Variants in EYS observed in about 807,000 individuals in gnomAD.
The protein encoded by EYS is protein eyes shut homolog.
EYS carries 250 observed loss-of-function variants against 282.1 expected under a neutral mutation model. The observed-to-expected ratio is 0.89, with a 90% confidence interval of 0.80 to 0.98. The LOEUF (loss-of-function observed/expected upper bound fraction) is 0.98, where lower values mean the gene tolerates loss of function less well. Among genes scored for constraint, EYS ranks in the 50% least tolerant of loss-of-function variants. EYS has a pLI of 0.00. For missense variants in EYS, 4,016 were observed against 3,709.0 expected (o/e 1.08, Z -2.15); for synonymous variants, 1,355 against 1,282.9 (o/e 1.06, Z -1.20).
At chr6:65,339,344 T>C (rs571959383) in intron 10 of EYS, among the ~76,000 whole-genome samples, 32 of 151,314 alleles carry the variant, frequency 2.1e-4, no homozygotes, top group African/African-American at 6.5e-4. Context: ...TCCTCCCTTA[T>C]TGTTGGTTTC....
chr6:64,656,223 A>G (rs1327187853), intron 22 of EYS, among the ~76,000 whole-genome samples: 1 of 152,168 alleles, frequency 6.6e-6, no homozygotes, highest in Non-Finnish European at 1.5e-5. Flanking sequence ...ATGTTTTACG[A>G]TGGTGTCTAA....
At chr6:64,925,909 G>T (rs1447921948) in intron 15 of EYS, among the ~76,000 whole-genome samples, 1 of 152,118 alleles carries the variant, frequency 6.6e-6, no homozygotes, top group Non-Finnish European at 1.5e-5. Flanking sequence ...CAGTTCTCGG[G>T]TCCCTAGAAT....
At chr6:65,285,434 C>G (rs985884757) in intron 12 of EYS, among the ~76,000 whole-genome samples, 1 of 151,904 alleles carries the variant, frequency 6.6e-6, no homozygotes, top group Non-Finnish European at 1.5e-5. Flanking sequence ...TATCTTTCCT[C>G]TCTTGCATTT....
chr6:65,664,792 C>G (rs1768142960), intron 1 of EYS, among the ~76,000 whole-genome samples: 1 of 152,110 alleles, frequency 6.6e-6, no homozygotes, highest in Non-Finnish European at 1.5e-5. Context: ...TATGATGTGA[C>G]AACAGGTGCA....
chr6:65,456,848 A>G (rs1452824473), intron 5 of EYS, among the ~76,000 whole-genome samples: 1 of 152,148 alleles, frequency 6.6e-6, no homozygotes, highest in Admixed American at 6.6e-5. Context: ...ATGTACCCAT[A>G]TTAGAAAGGA....
chr6:64,627,616 GCATA>G (rs1448825505), intron 22 of EYS, among the ~76,000 whole-genome samples: 14 of 152,140 alleles, frequency 9.2e-5, no homozygotes, highest in Admixed American at 2.0e-4. Context: ...TGCTTTACTT[GCATA>G]CACAGTTACT....
At chr6:64,608,563 T>C (rs181638892) in intron 24 of EYS, among the ~76,000 whole-genome samples, 40 of 152,298 alleles carry the variant, frequency 2.6e-4, no homozygotes, top group Non-Finnish European at 2.9e-5. Context: ...TGTGCCTCGA[T>C]GTATAGCAAA....
chr6:63,722,901 A>T (rs1768460693), intron 42 of EYS, among the ~76,000 whole-genome samples: 1 of 152,182 alleles, frequency 6.6e-6, no homozygotes, highest in Non-Finnish European at 1.5e-5. Context: ...CCTCATAGGG[A>T]ATTTTTAGTG....
chr6:65,413,552 T>C (rs1767110438), intron 5 of EYS, among the ~76,000 whole-genome samples: 1 of 151,954 alleles, frequency 6.6e-6, no homozygotes, highest in South Asian at 2.1e-4. Flanking sequence ...ATGAGTCCTG[T>C]GGATAGGTTG....
chr6:65,308,899 G>C (rs886866154), intron 11 of EYS, among the ~76,000 whole-genome samples: 7 of 151,764 alleles, frequency 4.6e-5, no homozygotes, highest in African/African-American at 1.7e-4. Flanking sequence ...TAGAAAACCA[G>C]TTGAATAATG....
At chr6:65,254,177 T>C (rs1007387994) in intron 12 of EYS, among the ~76,000 whole-genome samples, 8 of 151,864 alleles carry the variant, frequency 5.3e-5, no homozygotes, top group African/African-American at 1.9e-4. Flanking sequence ...CAGTTGAGTA[T>C]TGCTCTTTTA....
At chr6:64,014,979 T>C (rs1461746073) in intron 33 of EYS, among the ~76,000 whole-genome samples, 2 of 152,082 alleles carry the variant, frequency 1.3e-5, no homozygotes, top group African/African-American at 4.8e-5. Context: ...TCAACCAATA[T>C]AAAAATAGGT....
chr6:64,829,829 A>G (rs1765163244), intron 19 of EYS, among the ~76,000 whole-genome samples: 1 of 151,988 alleles, frequency 6.6e-6, no homozygotes, highest in Non-Finnish European at 1.5e-5. Context: ...TTTGTGAACA[A>G]TTGGGAAATT....
chr6:65,665,078 G>A (rs1163473367), intron 1 of EYS, among the ~76,000 whole-genome samples: 2 of 151,960 alleles, frequency 1.3e-5, no homozygotes, highest in African/African-American at 4.8e-5. Flanking sequence ...TTTCTTTGAG[G>A]GAAATCTTCA....
At chr6:65,461,946 C>A (rs1165254817) in intron 5 of EYS, among the ~76,000 whole-genome samples, 6 of 151,854 alleles carry the variant, frequency 4.0e-5, no homozygotes, top group Non-Finnish European at 7.4e-5. Context: ...GGGTATTTAC[C>A]ATAGAGAATG....
At chr6:64,121,421 T>A (rs1396918185) in intron 31 of EYS, among the ~76,000 whole-genome samples, 1 of 152,196 alleles carries the variant, frequency 6.6e-6, no homozygotes, top group Non-Finnish European at 1.5e-5. Flanking sequence ...TTAGAAAGGT[T>A]TAGTAATTGA....
In EYS at chr6:64,532,240, G is replaced by A. The variant is rs375001430; in HGVS notation, c.5644+57983C>T. On this transcript the variant is annotated intron_variant, in intron 26 of 42. Transcript: ENST00000503581. ...TATCTGCAAAATATTTAAAAAATTG[G>A]GATTTTAATCTTGCTCAGATCCCAA... Among the ~76,000 whole-genome samples, 3 of 152,084 alleles carry A rather than the reference G, an allele frequency of 2.0e-5. No individual in the cohort carries two copies. In the South Asian group the frequency reaches 6.2e-4, roughly 32 times the overall value.
intron 35 of EYS, among the ~76,000 whole-genome samples, chr6:63,891,119 C>G (rs1209533458): frequency 1.3e-5 from 2 of 152,024 alleles, no homozygotes; most frequent in African/African-American, 4.8e-5. Context: ...AAAAAAGTAC[C>G]CAGGACCAGA....
intron 28 of EYS, among the ~76,000 whole-genome samples, chr6:64,413,824 C>T (rs1216996227): frequency 1.3e-5 from 2 of 152,100 alleles, no homozygotes; most frequent in African/African-American, 2.4e-5. Context: ...GAAATCCTAA[C>T]GCCCAAGTTG....
Sources: gnomAD v4.1 joint callset for allele counts (sites outside exome capture counted in the v4.1 genomes callset) on GRCh38, gnomAD v4.1.1 for gene constraint, MANE v1.5 for transcripts, NCBI Gene and HGNC (gene_info 2026-07-23, HGNC 2026-07-21) for gene names.